UCHL3: variants seen among roughly 807,000 people sequenced by gnomAD.
UCHL3 encodes ubiquitin carboxyl-terminal hydrolase isozyme L3.
Under a neutral mutation model 35.8 loss-of-function variants are expected in UCHL3, and 22 were observed. The ratio of observed to expected loss-of-function variants is 0.61; its 90% CI spans 0.44 to 0.88. The LOEUF is 0.88. Among genes scored for constraint, UCHL3 ranks in the 40% least tolerant of loss-of-function variants. The probability of loss-of-function intolerance (pLI) is 0.00; values close to 1 mark genes in which losing one functional copy is unlikely to be tolerated. For missense variants in UCHL3, 229 were observed against 276.9 expected, an observed-to-expected ratio of 0.83 and a Z score of 1.23; for synonymous variants, 90 against 92.8, an observed-to-expected ratio of 0.97 and a Z score of 0.17.
At chr13:75,567,040 T>C (rs2031706843) in intron 4 of UCHL3, among the ~76,000 whole-genome samples, 187 bp from the exon 5 acceptor site, 1 of 152,222 alleles carries the variant, frequency 6.6e-6, no homozygotes, top group Non-Finnish European at 1.5e-5. Context: ...TGTTGACTAA[T>C]AGGGGTTAAA....
chr13:75,569,373 T>C (rs2031782733), intron 5 of UCHL3, 87 bp from the exon 6 acceptor site: 5 of 983,754 alleles, frequency 5.1e-6, no homozygotes, highest in Non-Finnish European at 7.7e-6. Flanking sequence ...TAGAAGACTT[T>C]AGGTGTTAAA....
rs34100020 is a variant in UCHL3, at chr13:75,559,030, CTTTTTTTTTTTTTTTT to C, written c.55-1711_55-1696del. Among the ~76,000 whole-genome samples, 3 of 64,282 alleles carry C rather than the reference CTTTTTTTTTTTTTTTT, an allele frequency of 4.7e-5. 1 individual carries two copies. Among genetic ancestry groups the C allele is most frequent in the Admixed American group, 1.9e-4 (1 of 5,188 alleles). 42.2% of individuals were successfully genotyped at this position (64,282 alleles called of 152,430 possible). On this transcript the variant is annotated intron_variant, in intron 2 of 8. Coordinates refer to ENST00000377595, the MANE Select transcript of UCHL3 (RefSeq NM_006002.5). ...CCATTGATCTCCTCAGCCCCGGACT[CTTTTTTTTTTTTTTTT>C]TTTTTTTTTTTGAGACGGAGTCTGG...
intron 8 of UCHL3, 33 bp downstream of exon 8, chr13:75,604,860 A>T: frequency 1.3e-6 from 2 of 1,554,926 alleles, no homozygotes; most frequent in South Asian, 2.4e-5. Context: ...CATCTTCATC[A>T]ATATTTTGTC....
chr13:75,570,076 C>G (rs1365170620), intron 6 of UCHL3, among the ~76,000 whole-genome samples: 17 of 152,182 alleles, frequency 1.1e-4, no homozygotes, highest in Admixed American at 1.1e-3. Context: ...TCCTTCCCCC[C>G]AGCCCTGACT....
chr13:75,566,729 T>G lies in UCHL3; in HGVS notation c.218T>G (p.Ile73Arg). ...EVFRTEEEEK[I>R]KSQGQDVTSS... is the part of the protein sequence containing the mutation. ...TTCAGAACAGAAGAGGAAGAAAAAA[T>G]AAAATCTCAGGGACAAGATGTTACA... The change falls in exon 4 of 9, where the codon ATA becomes AGA. Residue 73 changes from isoleucine to arginine, a missense_variant. By Grantham distance (97) the Ile-to-Arg change is moderately conservative. Transcript: ENST00000377595. 6.3e-7 allele frequency: 1 copy of G among 1,599,608 alleles called. No individual in the cohort carries two copies. The highest frequency in any genetic ancestry group is 8.5e-7 in the Non-Finnish European group (1 of 1,173,666).
chr13:75,592,427 T>TGTATATAC (rs1555276710), intron 6 of UCHL3, among the ~76,000 whole-genome samples: 25 of 72,364 alleles, frequency 3.5e-4, no homozygotes, highest in African/African-American at 1.1e-3. Context: ...TATATATATA[T>TGTATATAC]ATATATATAT....
intron 2 of UCHL3, among the ~76,000 whole-genome samples, chr13:75,557,273 G>A (rs983566066): frequency 6.6e-6 from 1 of 151,738 alleles, no homozygotes; most frequent in Admixed American, 6.6e-5. Context: ...GAGGTGAAGT[G>A]GGTACTGCTC....
chr13:75,565,722 T>C (rs2031662324), intron 3 of UCHL3, among the ~76,000 whole-genome samples: 1 of 152,216 alleles, frequency 6.6e-6, no homozygotes, highest in Admixed American at 6.5e-5. Flanking sequence ...CCCCGCTCTA[T>C]TGGAAGCAGA....
chr13:75,561,026 G>A, intron 3 of UCHL3, 145 bp downstream of exon 3: 5 of 668,706 alleles, frequency 7.5e-6, no homozygotes, highest in Non-Finnish European at 1.1e-5. Context: ...AACCTCCCAG[G>A]CTCAAGCGAT....
At chr13:75,575,935 A>G (rs2032008066) in intron 6 of UCHL3, among the ~76,000 whole-genome samples, 1 of 151,650 alleles carries the variant, frequency 6.6e-6, no homozygotes, top group African/African-American at 2.4e-5. Context: ...TATTTTTAGT[A>G]GAGACGGGGT....
intron 2 of UCHL3, among the ~76,000 whole-genome samples, chr13:75,560,254 T>TA (rs2031448166): frequency 6.6e-6 from 1 of 152,188 alleles, no homozygotes; most frequent in Non-Finnish European, 1.5e-5. Context: ...AAATATTTAT[T>TA]TACTATAACT....
chr13:75,577,656 G>A (rs1013090337), intron 6 of UCHL3, among the ~76,000 whole-genome samples: 1 of 152,142 alleles, frequency 6.6e-6, no homozygotes, highest in Non-Finnish European at 1.5e-5. Flanking sequence ...TAGATTAGAA[G>A]ATCTCCTTAT....
intron 7 of UCHL3, among the ~76,000 whole-genome samples, chr13:75,602,467 A>G (rs1372437012): frequency 6.6e-6 from 1 of 152,186 alleles, no homozygotes; most frequent in Non-Finnish European, 1.5e-5. Flanking sequence ...TACATGACCC[A>G]TGTACAAGGT....
intron 2 of UCHL3, among the ~76,000 whole-genome samples, chr13:75,552,561 T>C (rs960817964): frequency 6.6e-6 from 1 of 152,258 alleles, no homozygotes; most frequent in Non-Finnish European, 1.5e-5. Context: ...TCTCAGCAGA[T>C]GTGGTAGACA....
At chr13:75,590,171 G>C (rs1401659197) in intron 6 of UCHL3, 1 of 1,229,696 alleles carries the variant, frequency 8.1e-7, no homozygotes, top group Non-Finnish European at 1.0e-6. Flanking sequence ...CAGTGACAAG[G>C]GCTGTCTTTT....
intron 6 of UCHL3, among the ~76,000 whole-genome samples, chr13:75,574,031 C>T (rs937947815): frequency 3.3e-5 from 5 of 152,180 alleles, no homozygotes; most frequent in Non-Finnish European, 7.3e-5. Flanking sequence ...TCCTGGCTAA[C>T]ACAGTGAAAC....
At chr13:75,586,814 A>G (rs1262722117) in intron 6 of UCHL3, among the ~76,000 whole-genome samples, 2 of 152,086 alleles carry the variant, frequency 1.3e-5, no homozygotes, top group East Asian at 1.9e-4. Context: ...ATTAGAAAAC[A>G]TTTTGAATTG....
chr13:75,549,506 G>A (rs1416235745), upstream of UCHL3: 2 of 360,806 alleles, frequency 5.5e-6, no homozygotes, highest in Non-Finnish European at 9.9e-6. Flanking sequence ...GCGAGCGCTC[G>A]GCAAGGCTCG....
intron 6 of UCHL3, among the ~76,000 whole-genome samples, chr13:75,579,818 G>A (rs926534094): frequency 3.3e-5 from 5 of 152,034 alleles, no homozygotes; most frequent in African/African-American, 1.2e-4. Flanking sequence ...CAGAGTAGAG[G>A]GTAATGTTAG....
Sources: gnomAD v4.1 joint callset for allele counts (sites outside exome capture counted in the v4.1 genomes callset) on GRCh38, gnomAD v4.1.1 for gene constraint, MANE v1.5 for transcripts, NCBI Gene and HGNC (gene_info 2026-07-23, HGNC 2026-07-21) for gene names.